TBC1D10A: variants seen among roughly 807,000 people sequenced by gnomAD.
TBC1D10A encodes the protein TBC1 domain family member 10A, also known as EBP50-PDX interactor of 64 kDa.
In TBC1D10A, 24 loss-of-function variants were observed where a neutral mutation model predicts 52.9. That is an observed-to-expected ratio of 0.45 (90% CI 0.33 to 0.64). The LOEUF (loss-of-function observed/expected upper bound fraction) is 0.64. Ranked by LOEUF, TBC1D10A falls within the 30% of genes least tolerant of loss-of-function variation. The pLI is 0.02. For synonymous variants in TBC1D10A, 278 were observed against 282.9 expected, an observed-to-expected ratio of 0.98 and a Z score of 0.17; for missense variants, 602 against 687.9, an observed-to-expected ratio of 0.88 and a Z score of 1.40.
chr22:30,305,394 C>A (rs1316073006), intron 1 of TBC1D10A, among the ~76,000 whole-genome samples: 1 of 152,226 alleles, frequency 6.6e-6, no homozygotes. Flanking sequence ...ACCTCAGCAC[C>A]AAGGTGCTTT....
intron 1 of TBC1D10A, among the ~76,000 whole-genome samples, chr22:30,314,797 G>A (rs1429913887): frequency 2.0e-5 from 3 of 149,708 alleles, no homozygotes; most frequent in Non-Finnish European, 3.0e-5. Context: ...GGTGAGAGAG[G>A]GAGACCCTGA....
At chr22:30,293,304 T>C (rs1177062292) in intron 8 of TBC1D10A, 2 of 608,908 alleles carry the variant, frequency 3.3e-6, no homozygotes, top group Admixed American at 4.3e-5. Flanking sequence ...GTCACGCATG[T>C]TCCACCTAAT....
chr22:30,309,275 C>T (rs943210321), intron 1 of TBC1D10A, among the ~76,000 whole-genome samples: 5 of 151,194 alleles, frequency 3.3e-5, no homozygotes, highest in Admixed American at 1.3e-4. Flanking sequence ...CTTGCTCTGT[C>T]GCCCAGGCTG....
intron 1 of TBC1D10A, among the ~76,000 whole-genome samples, chr22:30,308,284 A>ATGCCTGCATGCCTGCC (rs1221085278): frequency 0.22 from 26,222 of 119,584 alleles, 2,593 homozygotes; most frequent in South Asian, 0.41. Context: ...CACAGCCTGC[A>ATGCCTGCATGCCTGCC]TGCCTGCATG....
chr22:30,313,876 A>T (rs1872673653), intron 1 of TBC1D10A, among the ~76,000 whole-genome samples: 1 of 151,990 alleles, frequency 6.6e-6, no homozygotes, highest in South Asian at 2.1e-4. Flanking sequence ...CCAGCTCTAG[A>T]TCTTCCTCAA....
chr22:30,306,298 A>G (rs1044069146), intron 1 of TBC1D10A, among the ~76,000 whole-genome samples: 1 of 152,248 alleles, frequency 6.6e-6, no homozygotes, highest in Non-Finnish European at 1.5e-5. Context: ...TTCACTTGAG[A>G]TTACCAGTTT....
rs6147586 is a variant in TBC1D10A, at chr22:30,313,341, ATGTGTGTG to A, written c.210-8719_210-8712del. ...CTGATACCTAGCTGGTGCTCAATAA[ATGTGTGTG>A]TGTGTGTGTGTGTGTGTGTGTGTGT... On this transcript the variant is annotated intron_variant, in intron 1 of 8. Transcript: ENST00000215790. 5.1e-3 allele frequency among the ~76,000 whole-genome samples: 701 copies of A among 138,094 alleles called. 6 individuals carry two copies. The highest frequency in any genetic ancestry group is 0.017 in the African/African-American group (588 of 35,510). 90.6% of individuals were successfully genotyped at this position (138,094 alleles called of 152,430 possible). A position where few individuals can be genotyped will look rare whatever the true frequency, so the allele number is the denominator to read the frequency against.
At chr22:30,309,906 C>A (rs1378383088) in intron 1 of TBC1D10A, among the ~76,000 whole-genome samples, 1 of 152,212 alleles carries the variant, frequency 6.6e-6, no homozygotes, top group Non-Finnish European at 1.5e-5. Flanking sequence ...ATGCTCATCA[C>A]CTCCTTATCC....
intron 1 of TBC1D10A, among the ~76,000 whole-genome samples, chr22:30,323,083 C>G (rs1930691776): frequency 6.7e-6 from 1 of 148,330 alleles, no homozygotes; most frequent in Non-Finnish European, 1.5e-5. Context: ...TTTGTATTTT[C>G]TTGTAGAGAT....
intron 1 of TBC1D10A, among the ~76,000 whole-genome samples, chr22:30,305,281 C>A (rs564460885): frequency 6.6e-6 from 1 of 152,284 alleles, no homozygotes; most frequent in South Asian, 2.1e-4. Flanking sequence ...TGTTCTAGGG[C>A]GAGGGCCTCT....
In TBC1D10A at chr22:30,306,496, C is replaced by T. The variant is rs116110732; in HGVS notation, c.210-1866G>A. On this transcript the variant is annotated intron_variant, in intron 1 of 8. Transcript: ENST00000215790. ...ATAACAGCTTTGGCAGTTTCAAACC[C>T]CCAATGTCAAACCTCAAACCGGAAC... Among the ~76,000 whole-genome samples, 1,382 of 152,188 alleles carry T rather than the reference C, an allele frequency of 9.1e-3. 16 individuals are homozygous for T. Among genetic ancestry groups the T allele is most frequent in the African/African-American group, 0.031 (1,295 of 41,506 alleles).
intron 1 of TBC1D10A, among the ~76,000 whole-genome samples, chr22:30,316,981 G>A (rs916156888): frequency 3.9e-5 from 6 of 151,956 alleles, no homozygotes; most frequent in African/African-American, 1.5e-4. Context: ...TGAGGCTGCA[G>A]TGAGCTGTGA....
chr22:30,295,007 G>A lies in TBC1D10A; in HGVS notation c.573C>T (p.Pro191=), dbSNP rs751185791. 132 of 1,613,916 alleles carry A rather than the reference G, an allele frequency of 8.2e-5. No individual in the cohort carries two copies. Among genetic ancestry groups the A allele is most frequent in the East Asian group, 5.6e-4 (25 of 44,894 alleles). Residue 191 remains proline, a synonymous_variant, in exon 5 of 9, where the codon CCC becomes CCT. Coordinates refer to ENST00000215790, the MANE Select transcript of TBC1D10A (RefSeq NM_031937.3). The stretch of plus-strand genomic sequence containing the variant: ...CCTGGGCCTGGCAGTAGCCCTCCTC[G>A]GGCCGGTACAGCGTGTAGGCCTTCA... The part of the protein sequence containing the change: ...RVLKAYTLYR[P]EEGYCQAQAP...
chr22:30,323,556 T>G (rs544239133), intron 1 of TBC1D10A, among the ~76,000 whole-genome samples: 15 of 152,212 alleles, frequency 9.9e-5, no homozygotes, highest in Non-Finnish European at 1.5e-4. Context: ...TCAGAAACCC[T>G]AAGTCCAAGT....
intron 1 of TBC1D10A, among the ~76,000 whole-genome samples, chr22:30,324,944 G>A (rs1699938497): frequency 6.6e-6 from 1 of 152,176 alleles, no homozygotes; most frequent in South Asian, 2.1e-4. Flanking sequence ...GAACTCTCAT[G>A]CCCTAGCATT....
intron 1 of TBC1D10A, among the ~76,000 whole-genome samples, chr22:30,321,981 T>A: frequency 7.4e-6 from 1 of 134,560 alleles, no homozygotes; most frequent in South Asian, 2.3e-4. Context: ...GTCCTGGGCC[T>A]TTTTTTTTTT....
At chr22:30,294,716 G>A in intron 6 of TBC1D10A, 80 bp downstream of exon 6, 1 of 1,588,734 alleles carries the variant, frequency 6.3e-7, no homozygotes, top group South Asian at 1.1e-5. Context: ...ACCTGGGCAG[G>A]AGTTACTATG....
chr22:30,308,312 CTGCA>C (rs1398072270), intron 1 of TBC1D10A, among the ~76,000 whole-genome samples: 5 of 134,142 alleles, frequency 3.7e-5, no homozygotes, highest in African/African-American at 8.5e-5. Flanking sequence ...GCCTGCCTGC[CTGCA>C]TGCCTGCATG....
chr22:30,292,447 A>G lies in TBC1D10A; in HGVS notation c.1455T>C (p.Ala485=). ...AGCGGTGGTGGGCTGAGACCTGGGG[A>G]GCCAAATCCTGAGGGGCTGAGTCCT... The part of the protein sequence containing the change: ...APKDSAPQDL[A]PQVSAHHRSQ... The change falls in exon 9 of 9, where the codon GCT becomes GCC. Residue 485 remains alanine (A), a synonymous_variant. Transcript: ENST00000215790. 1.2e-6 allele frequency: 2 copies of G among 1,601,194 alleles called. No homozygotes were observed. Among genetic ancestry groups the G allele is most frequent in the Non-Finnish European group, 1.7e-6 (2 of 1,172,784 alleles).
Sources: allele counts gnomAD v4.1 joint callset (sites outside exome capture counted in the v4.1 genomes callset), GRCh38; gene constraint gnomAD v4.1.1; transcripts MANE v1.5; gene names NCBI Gene and HGNC (gene_info 2026-07-23, HGNC 2026-07-21).